Variants in SV2C observed in about 807,000 individuals in gnomAD.
SV2C encodes solute carrier family 22 member B3.
Under a neutral mutation model 79.7 loss-of-function variants are expected in SV2C, and 49 were observed. The ratio of observed to expected loss-of-function variants is 0.61; its 90% CI spans 0.49 to 0.78. The LOEUF is 0.78. Ranked by LOEUF, SV2C falls within the 30% of genes least tolerant of loss-of-function variation. SV2C has a pLI of 0.00. For missense variants in SV2C, 833 were observed against 912.9 expected, an observed-to-expected ratio of 0.91 and a Z score of 1.13; for synonymous variants, 334 against 333.2, an observed-to-expected ratio of 1.00 and a Z score of -0.03.
At chr5:76,050,893 A>G in the SV2C span, among the ~76,000 whole-genome samples, 2 of 152,232 alleles carry the variant, frequency 1.3e-5, no homozygotes, top group Non-Finnish European at 1.5e-5. Context: ...GGAAAGCTAC[A>G]GGGAGGAATA....
the SV2C span, among the ~76,000 whole-genome samples, chr5:75,850,561 A>T: frequency 2.0e-5 from 3 of 152,086 alleles, no homozygotes; most frequent in African/African-American, 7.2e-5. Context: ...GGTAGTGACT[A>T]TCTAGGTTGG....
chr5:76,237,156 T>C (rs1464300772), intron 4 of SV2C, among the ~76,000 whole-genome samples: 1 of 152,186 alleles, frequency 6.6e-6, no homozygotes, highest in African/African-American at 2.4e-5. Flanking sequence ...TTCATAGCAG[T>C]GTGAGAATGG....
chr5:76,062,982 C>T, the SV2C span, among the ~76,000 whole-genome samples: 352 of 152,230 alleles, frequency 2.3e-3, 1 homozygote, highest in Non-Finnish European at 4.3e-3. Flanking sequence ...CTTATTTATC[C>T]GCCATGTTGC....
intron 2 of SV2C, among the ~76,000 whole-genome samples, chr5:76,173,151 T>TA (rs1284344674): frequency 6.1e-5 from 9 of 148,648 alleles, no homozygotes; most frequent in African/African-American, 9.8e-5. Context: ...TTGAATTTCT[T>TA]AAAAAAAATT....
chr5:75,977,312 G>A, the SV2C span, among the ~76,000 whole-genome samples: 1 of 152,270 alleles, frequency 6.6e-6, no homozygotes, highest in African/African-American at 2.4e-5. Context: ...GTTTACCTGA[G>A]CTGGCACAAT....
chr5:75,887,912 A>G, the SV2C span, among the ~76,000 whole-genome samples: 2 of 152,178 alleles, frequency 1.3e-5, no homozygotes, highest in East Asian at 3.9e-4. Flanking sequence ...AAATATCAGC[A>G]TGGGCTTAAT....
chr5:76,005,701 G>C, the SV2C span, among the ~76,000 whole-genome samples: 5 of 152,178 alleles, frequency 3.3e-5, no homozygotes, highest in African/African-American at 1.2e-4. Context: ...TAGACTTCTT[G>C]CTCATAATGT....
At chr5:76,243,392 T>A (rs369616828) in intron 4 of SV2C, among the ~76,000 whole-genome samples, 2 of 151,812 alleles carry the variant, frequency 1.3e-5, no homozygotes, top group East Asian at 1.9e-4. Context: ...CCTCTGAGGG[T>A]TTTTCAGCTG....
chr5:76,085,686 G>C (rs1747165423), intron 1 of SV2C, among the ~76,000 whole-genome samples: 1 of 152,098 alleles, frequency 6.6e-6, no homozygotes, highest in Non-Finnish European at 1.5e-5. Flanking sequence ...TTCCACCTCT[G>C]AGAATTGTGA....
the SV2C span, among the ~76,000 whole-genome samples, chr5:75,934,876 CAA>C: frequency 6.9e-3 from 856 of 124,162 alleles, 12 homozygotes; most frequent in African/African-American, 0.029. Context: ...GCAGATTGAG[CAA>C]AGTTAACTTT....
intron 1 of SV2C, among the ~76,000 whole-genome samples, chr5:76,120,581 T>C (rs1208223066): frequency 5.7e-5 from 8 of 139,362 alleles, no homozygotes; most frequent in Non-Finnish European, 1.1e-4. Flanking sequence ...TGTGTTCTCA[T>C]TGTTCAATTC....
intron 4 of SV2C, among the ~76,000 whole-genome samples, chr5:76,263,806 G>A (rs918105227): frequency 6.6e-6 from 1 of 151,776 alleles, no homozygotes; most frequent in South Asian, 2.1e-4. Context: ...CTTCCGGTGA[G>A]TAGGGTTCCC....
intron 3 of SV2C, among the ~76,000 whole-genome samples, chr5:76,209,445 A>G (rs1744702293): frequency 6.6e-6 from 1 of 152,350 alleles, no homozygotes; most frequent in Middle Eastern, 3.4e-3. Context: ...ATGAGCTGAA[A>G]AGCCAACGGA....
At chr5:76,167,238 C>T (rs1743072965) in intron 2 of SV2C, among the ~76,000 whole-genome samples, 1 of 152,178 alleles carries the variant, frequency 6.6e-6, no homozygotes, top group Non-Finnish European at 1.5e-5. Context: ...AATTTCTATT[C>T]CTTGTTCTAT....
chr5:76,188,993 GA>G (rs1255133625), intron 2 of SV2C, among the ~76,000 whole-genome samples: 6 of 152,032 alleles, frequency 3.9e-5, no homozygotes, highest in South Asian at 2.1e-4. Flanking sequence ...CAAAAAGGGA[GA>G]GAGGCACCCC....
At chr5:75,942,847 G>A in the SV2C span, among the ~76,000 whole-genome samples, 1 of 152,132 alleles carries the variant, frequency 6.6e-6, no homozygotes, top group Non-Finnish European at 1.5e-5. Context: ...TGTTAAGGTT[G>A]ACACTGTGTT....
At chr5:75,864,458 C>A in the SV2C span, among the ~76,000 whole-genome samples, 216 of 152,258 alleles carry the variant, frequency 1.4e-3, 1 homozygote, top group African/African-American at 4.2e-3. Context: ...AATCACAGAT[C>A]CCCAGAGACA....
the SV2C span, among the ~76,000 whole-genome samples, chr5:75,847,879 T>A: frequency 6.6e-6 from 1 of 152,182 alleles, no homozygotes; most frequent in Admixed American, 6.5e-5. Context: ...CCCTATAAAA[T>A]CTTCCTTAAG....
intron 1 of SV2C, among the ~76,000 whole-genome samples, chr5:76,115,159 T>C (rs1027471049): frequency 1.3e-5 from 2 of 152,226 alleles, no homozygotes. Context: ...CTGTATAAAT[T>C]TAGGAACAAT....
Sources: allele counts gnomAD v4.1 joint callset (sites outside exome capture counted in the v4.1 genomes callset), GRCh38; gene constraint gnomAD v4.1.1; transcripts MANE v1.5; gene names NCBI Gene and HGNC (gene_info 2026-07-23, HGNC 2026-07-21).